ABCC4: variants seen among roughly 807,000 people sequenced by gnomAD.
The protein encoded by ABCC4 is ATP binding cassette subfamily C member 4 (PEL blood group), also known as ATP-binding cassette sub-family C member 4.
In ABCC4, 102 loss-of-function variants were observed where a neutral mutation model predicts 168.5. The observed-to-expected ratio is 0.61, with a 90% CI of 0.52 to 0.71. The LOEUF (loss-of-function observed/expected upper bound fraction) is 0.71. ABCC4 is among the 30% of genes least tolerant of loss of function. ABCC4 has a pLI of 0.00. For synonymous variants in ABCC4, 617 were observed against 590.7 expected (o/e 1.04, Z -0.65); for missense variants, 1,402 against 1,605.8 (o/e 0.87, Z 2.17).
At chr13:95,064,523 G>GTA (rs2033451704) in intron 25 of ABCC4, among the ~76,000 whole-genome samples, 1 of 151,268 alleles carries the variant, frequency 6.6e-6, no homozygotes, top group African/African-American at 2.4e-5. Flanking sequence ...ATGTGTGTGT[G>GTA]TGTGTGTGTG....
rs1192654333 is a variant in ABCC4 at position 95,020,508 on chromosome 13, C to G, written c.*1067G>C. ...TCAACAGAAAGCCCAAATGACAATG[C>G]TATTAGTGGTCAGGAGTAAACTAAC... On this transcript the variant is annotated 3_prime_UTR_variant, in exon 31 of 31. Coordinates refer to ENST00000645237, the MANE Select transcript of ABCC4 (RefSeq NM_005845.5). The G allele has an allele frequency of 6.6e-6, 1 of 152,442 alleles. No individual in the cohort carries two copies. The highest frequency in any genetic ancestry group is 2.4e-5 in the African/African-American group (1 of 41,430). 9.4% of individuals were successfully genotyped at this position (152,442 alleles called of 1,614,324 possible).
intron 19 of ABCC4, among the ~76,000 whole-genome samples, chr13:95,120,294 C>T (rs1594128458): frequency 1.3e-5 from 2 of 152,204 alleles, no homozygotes; most frequent in South Asian, 4.1e-4. Context: ...GAGCCAGGCG[C>T]GGTGGCTCAT....
At chr13:95,173,001 G>A (rs1401153448) in intron 13 of ABCC4, among the ~76,000 whole-genome samples, 1 of 152,184 alleles carries the variant, frequency 6.6e-6, no homozygotes, top group African/African-American at 2.4e-5. Context: ...TACATTTGCT[G>A]AGCACTGACG....
chr13:95,144,638 C>T (rs576852718), intron 19 of ABCC4, among the ~76,000 whole-genome samples: 14 of 152,048 alleles, frequency 9.2e-5, no homozygotes, highest in African/African-American at 2.2e-4. Context: ...AAGAATACCA[C>T]GGCCACAAAA....
intron 13 of ABCC4, among the ~76,000 whole-genome samples, chr13:95,172,243 T>A (rs1284492795): frequency 6.6e-6 from 1 of 152,128 alleles, no homozygotes; most frequent in African/African-American, 2.4e-5. Context: ...AAATAATAAG[T>A]GATTGATGTA....
chr13:95,074,722 A>G (rs560968997), intron 22 of ABCC4, among the ~76,000 whole-genome samples: 2 of 152,256 alleles, frequency 1.3e-5, no homozygotes, highest in Non-Finnish European at 1.5e-5. Context: ...CCCACCTTCC[A>G]TACTTACCAG....
intron 21 of ABCC4, among the ~76,000 whole-genome samples, chr13:95,077,790 T>C (rs1365995000): frequency 6.6e-6 from 1 of 152,200 alleles, no homozygotes; most frequent in Admixed American, 6.5e-5. Flanking sequence ...TGCCGATCTG[T>C]GCTACAGCTG....
intron 14 of ABCC4, among the ~76,000 whole-genome samples, chr13:95,166,841 C>G (rs116027027): frequency 0.013 from 2,002 of 152,210 alleles, 55 homozygotes; most frequent in African/African-American, 0.045. Context: ...CGTGTGGGAA[C>G]CAGACTTGGA....
chr13:95,158,836 G>A (rs1350496884), intron 19 of ABCC4, among the ~76,000 whole-genome samples: 1 of 151,966 alleles, frequency 6.6e-6, no homozygotes, highest in African/African-American at 2.4e-5. Context: ...TGAGGAGACT[G>A]AGGCAGGAAG....
intron 3 of ABCC4, among the ~76,000 whole-genome samples, chr13:95,239,486 C>G (rs1017921048): frequency 2.6e-5 from 4 of 152,082 alleles, no homozygotes; most frequent in African/African-American, 9.7e-5. Flanking sequence ...GTTCAGGGAG[C>G]CTAAAACATC....
chr13:95,132,893 G>A (rs146465776), intron 19 of ABCC4, among the ~76,000 whole-genome samples: 2 of 152,096 alleles, frequency 1.3e-5, no homozygotes, highest in African/African-American at 2.4e-5. Flanking sequence ...AAGTAGAAGG[G>A]TGAATGCCAG....
At chr13:95,029,201 TATATATATATATAGAGAG>T (rs2031714713) in intron 30 of ABCC4, among the ~76,000 whole-genome samples, 12 of 66,350 alleles carry the variant, frequency 1.8e-4, no homozygotes, top group African/African-American at 6.7e-4. Context: ...TATATATATA[TATATATATATATAGAGAG>T]AGAGAGAGAG....
At chr13:95,284,805 C>T (rs1188220745) in intron 1 of ABCC4, among the ~76,000 whole-genome samples, 1 of 152,194 alleles carries the variant, frequency 6.6e-6, no homozygotes, top group Non-Finnish European at 1.5e-5. Flanking sequence ...AACCTAGGCT[C>T]TGCCACTCAA....
At chr13:95,049,790 TA>T (rs1184131371) in intron 27 of ABCC4, among the ~76,000 whole-genome samples, 1 of 151,284 alleles carries the variant, frequency 6.6e-6, no homozygotes, top group Admixed American at 6.6e-5. Flanking sequence ...TAAGAAGAAA[TA>T]AAAAAAACTT....
intron 1 of ABCC4, among the ~76,000 whole-genome samples, chr13:95,268,956 A>G (rs1325909683): frequency 6.6e-6 from 1 of 151,930 alleles, no homozygotes; most frequent in Non-Finnish European, 1.5e-5. Context: ...CTCTCGTCCC[A>G]CCCGATGAGA....
chr13:95,097,894 T>C (rs1178491073), intron 20 of ABCC4, among the ~76,000 whole-genome samples: 1 of 151,954 alleles, frequency 6.6e-6, no homozygotes, highest in South Asian at 2.1e-4. Flanking sequence ...CCAGCACTTT[T>C]AGAGGCTGAG....
At chr13:95,290,109 T>TAGATAGACAGAC (rs796579343) in intron 1 of ABCC4, among the ~76,000 whole-genome samples, 1 of 146,884 alleles carries the variant, frequency 6.8e-6, no homozygotes, top group Non-Finnish European at 1.5e-5. Context: ...AAAAAATAGA[T>TAGATAGACAGAC]AGATAGATAG....
chr13:95,255,722 A>G (rs777783832), intron 1 of ABCC4, among the ~76,000 whole-genome samples: 2 of 152,160 alleles, frequency 1.3e-5, no homozygotes, highest in Non-Finnish European at 2.9e-5. Context: ...GCAACAGGCA[A>G]TGTGGACCCT....
chr13:95,095,313 T>C (rs1304468438), intron 20 of ABCC4, among the ~76,000 whole-genome samples: 1 of 151,912 alleles, frequency 6.6e-6, no homozygotes, highest in Non-Finnish European at 1.5e-5. Flanking sequence ...TATCTATCTA[T>C]CTATCTATCT....
Sources: gnomAD v4.1 joint callset for allele counts (sites outside exome capture counted in the v4.1 genomes callset) on GRCh38, gnomAD v4.1.1 for gene constraint, MANE v1.5 for transcripts, NCBI Gene and HGNC (gene_info 2026-07-23, HGNC 2026-07-21) for gene names.